The following EXTL1 variants were observed in gnomAD, a reference collection of about 807,000 sequenced individuals.
EXTL1 encodes exostosin like glycosyltransferase 1.
Under a neutral mutation model 64.6 loss-of-function variants are expected in EXTL1, and 43 were observed. That is an observed-to-expected ratio of 0.67 (90% CI 0.52 to 0.86). EXTL1 has a LOEUF of 0.86. EXTL1 is among the 40% of genes least tolerant of loss of function. EXTL1 has a pLI of 0.00. For missense variants in EXTL1, 766 were observed against 879.0 expected (o/e 0.87, Z 1.62); for synonymous variants, 352 against 360.5 (o/e 0.98, Z 0.27).
In EXTL1 at chr1:26,031,221, T is replaced by C; in HGVS notation, c.1191T>C (p.Phe397=). The C allele has an allele frequency of 6.2e-7, 1 of 1,614,022 alleles. No individual in the cohort carries two copies. The highest frequency in any genetic ancestry group is 8.5e-7 in the Non-Finnish European group (1 of 1,179,992). ...PPGALLALST[F]STSPQDFPFY... is the part of the protein sequence containing the mutation. ...GGGCACTCCTGGCCCTGTCTACTTT[T>C]TCCACAAGCCCCCAGGACTTCCCCT... Residue 397 remains phenylalanine (F), a synonymous_variant, in exon 5 of 11, where the codon TTT becomes TTC. Transcript: ENST00000374280.
At chr1:26,030,643 A>C (rs1487763779) in intron 4 of EXTL1, 48 bp downstream of exon 4, 1 of 1,570,550 alleles carries the variant, frequency 6.4e-7, no homozygotes, top group African/African-American at 1.4e-5. Flanking sequence ...CTCCTGCTTC[A>C]TCCCTGTCAC....
At position 26,031,098 on chromosome 1, in the gene EXTL1, C is replaced by A. The variant is rs199575010; in HGVS notation, c.1102-34C>A. 314 of 1,613,754 alleles carry A rather than the reference C, an allele frequency of 1.9e-4. 1 individual carries two copies. The East Asian group carries it at 6.9e-3, about 36-fold the overall frequency. Reference sequence around the variant, plus strand: ...GGAGGTGTGGCCATGGTCACACAGGCCACTCGCTCTGCTCAGCTTCTCTCT... The same window carrying A: ...GGAGGTGTGGCCATGGTCACACAGGACACTCGCTCTGCTCAGCTTCTCTCT... On this transcript the variant is annotated intron_variant, in intron 4 of 10. Coordinates refer to ENST00000374280, the MANE Select transcript of EXTL1 (RefSeq NM_004455.3).
chr1:26,035,547 C>G lies in EXTL1; in HGVS notation c.*200C>G. 2.1e-6 allele frequency: 1 copy of G among 468,280 alleles called. No individual in the cohort carries two copies. 29.0% of individuals were successfully genotyped at this position (468,280 alleles called of 1,614,324 possible). ...CTGCTCGCCCTCAGCCGCGGAGCCT[C>G]TGCGGAGGCTGAGCCCCGCGACCGG... On this transcript the variant is annotated 3_prime_UTR_variant, in exon 11 of 11. Coordinates refer to ENST00000374280, the MANE Select transcript of EXTL1 (RefSeq NM_004455.3). This position sits in a 1 kb window ranked among gnomAD's most constrained non-coding sequence, Gnocchi z 5.3.
rs370504936 is a variant in EXTL1, at chr1:26,022,790, C to G, written c.144C>G (p.Arg48=). ...PRPGASQGWP[R]WLDAELLQSF... ...CCGGGGCTTCCCAAGGCTGGCCCCG[C>G]TGGCTGGATGCAGAGCTCCTGCAGA... Residue 48 remains arginine (R), a synonymous_variant, in exon 1 of 11, where the codon CGC becomes CGG. Coordinates refer to ENST00000374280, the MANE Select transcript of EXTL1 (RefSeq NM_004455.3). 6.2e-7 allele frequency: 1 copy of G among 1,614,072 alleles called. No homozygotes were observed. The highest frequency in any genetic ancestry group is 8.5e-7 in the Non-Finnish European group (1 of 1,179,990).
At position 26,033,217 on chromosome 1, in the gene EXTL1, C is replaced by T. The variant is rs201560527; in HGVS notation, c.1432-12C>T. Reference sequence around the variant, plus strand: ...TTCCAATGGCTGAGTTCCCCTCCCCCACTCCCTGCAGGTTAGTGATCGCTT... The same window carrying T: ...TTCCAATGGCTGAGTTCCCCTCCCCTACTCCCTGCAGGTTAGTGATCGCTT... On this transcript the variant is annotated splice_polypyrimidine_tract_variant and intron_variant, in intron 7 of 10. Coordinates refer to ENST00000374280, the MANE Select transcript of EXTL1 (RefSeq NM_004455.3). The surrounding 1 kb of genome is among the most constrained non-coding windows in gnomAD (Gnocchi z 5.1). The T allele has an allele frequency of 5.9e-5, 94 of 1,600,718 alleles. No homozygotes were observed. Among genetic ancestry groups the T allele is most frequent in the Non-Finnish European group, 7.9e-5 (92 of 1,168,022 alleles).
At chr1:26,032,344 C>T (rs896354084) in intron 6 of EXTL1, 52 bp from the exon 7 acceptor site, 1 of 1,331,066 alleles carries the variant, frequency 7.5e-7, no homozygotes, top group Non-Finnish European at 1.1e-6. Flanking sequence ...CCCCTCGCAA[C>T]CCGCCTTCTG....
In EXTL1 at chr1:26,030,492, A is replaced by G; in HGVS notation, c.998A>G (p.Gln333Arg). 4 of 1,612,050 alleles carry G rather than the reference A, an allele frequency of 2.5e-6. No homozygotes were observed. The highest frequency in any genetic ancestry group is 3.4e-6 in the Non-Finnish European group (4 of 1,179,206). The stretch of plus-strand genomic sequence containing the variant: ...CTGCTCCAGGTCCTGGCTGCCCTCC[A>G]GGAGATGTCCCCTGCACGGGTCCTC... ...RLPLQVLAALQEMSPARVLAL... is the reference protein window; with the variant it reads ...RLPLQVLAALREMSPARVLAL... The change falls in exon 4 of 11, where the codon CAG becomes CGG. Residue 333 changes from glutamine to arginine, a missense_variant. By Grantham distance (43) the Gln-to-Arg change is conservative. This residue lies in a region of EXTL1 where 571 missense variants were observed against 647.6 expected (regional missense o/e 0.88). Coordinates refer to ENST00000374280, the MANE Select transcript of EXTL1 (RefSeq NM_004455.3).
At chr1:26,032,817 C>T (rs116140769) in intron 7 of EXTL1, among the ~76,000 whole-genome samples, 235 of 152,240 alleles carry the variant, frequency 1.5e-3, no homozygotes, top group African/African-American at 5.4e-3. Flanking sequence ...TTCTGGGAAC[C>T]GTGGTTGGTG....
At position 26,031,564 on chromosome 1, in the gene EXTL1, C is replaced by G. The variant is rs577225278; in HGVS notation, c.1339C>G (p.Gln447Glu). The G allele has an allele frequency of 6.4e-7, 1 of 1,563,554 alleles. No individual in the cohort carries two copies. The highest frequency in any genetic ancestry group is 2.3e-5 in the East Asian group (1 of 42,944). Residue 447 changes from glutamine (Q) to glutamate (E), a missense_variant and splice_region_variant, in exon 6 of 11, where the codon CAG (glutamine) becomes GAG (glutamate). By Grantham distance (29) the Gln-to-Glu change is conservative. Transcript: ENST00000374280. ...GGTGGCAGGCTCCCAGCACTGTGCC[C>G]AGGTCTGCCCCCTTCCCAGCTGGAG... is the stretch of plus-strand genomic sequence containing the variant. ...QAVAGSQHCAQILVLWSNERP... is the reference protein window; with the variant it reads ...QAVAGSQHCAEILVLWSNERP...
At position 26,035,136 on chromosome 1, in the gene EXTL1, C is replaced by T. The variant is rs1375202365; in HGVS notation, c.1849-29C>T. ...GGGAGTTCGGAAGGGCAGAGAAGCC[C>T]GTTAATGCATTGCTTCTTTCCCTCT... On this transcript the variant is annotated intron_variant, in intron 10 of 10. Coordinates refer to ENST00000374280, the MANE Select transcript of EXTL1 (RefSeq NM_004455.3). This position sits in a 1 kb window ranked among gnomAD's most constrained non-coding sequence, Gnocchi z 5.3. The T allele has an allele frequency of 1.9e-6, 3 of 1,591,130 alleles. No homozygotes were observed. The highest frequency in any genetic ancestry group is 2.6e-6 in the Non-Finnish European group (3 of 1,165,284).
rs2050310541 is a variant in EXTL1, at chr1:26,033,660, G to A, written c.1519-36G>A. On this transcript the variant is annotated intron_variant, in intron 8 of 10. Transcript: ENST00000374280. This position sits in a 1 kb window ranked among gnomAD's most constrained non-coding sequence, Gnocchi z 5.1. ...CCCTGGATGTTCTAGGCATTTAGGA[G>A]GTCCTTCCTCACAGCTCACTTGAGT... The A allele has an allele frequency of 6.2e-7, 1 of 1,604,558 alleles. No individual in the cohort carries two copies. Among genetic ancestry groups the A allele is most frequent in the East Asian group, 2.2e-5 (1 of 44,856 alleles).
Position 26,029,223 on chromosome 1 carries a change from C to T in EXTL1, c.810C>T (p.Ala270=). 6.2e-7 allele frequency: 1 copy of T among 1,613,834 alleles called. No homozygotes were observed. The highest frequency in any genetic ancestry group is 8.5e-7 in the Non-Finnish European group (1 of 1,179,890). Residue 270 remains alanine (A), a synonymous_variant, in exon 2 of 11, where the codon GCC becomes GCT. Transcript: ENST00000374280. ...QTQRQETLPN[A]TFCLISGHRP... The stretch of plus-strand genomic sequence containing the variant: ...AGCGCCAGGAGACGCTGCCCAATGC[C>T]ACCTTCTGCCTCATCTCTGGCCACC...
Position 26,033,354 on chromosome 1 carries a change from C to T in EXTL1, c.1518+39C>T. 1 of 1,564,414 alleles carries T rather than the reference C, an allele frequency of 6.4e-7. No homozygotes were observed. Among genetic ancestry groups the T allele is most frequent in the Non-Finnish European group, 8.8e-7 (1 of 1,135,108 alleles). On this transcript the variant is annotated intron_variant, in intron 8 of 10. Transcript: ENST00000374280. This position sits in a 1 kb window ranked among gnomAD's most constrained non-coding sequence, Gnocchi z 5.1. ...CCAAGAGAAGCCCAGTGTGGGTAGA[C>T]ACAGAGCCAGAGGGCCCTGGCAGCC...
Position 26,023,311 on chromosome 1 carries a change from C to T in EXTL1, c.665C>T (p.Pro222Leu). 2 of 1,552,100 alleles carry T rather than the reference C, an allele frequency of 1.3e-6. No homozygotes were observed. The highest frequency in any genetic ancestry group is 1.4e-5 in the African/African-American group (1 of 73,500). The change falls in exon 1 of 11, where the codon CCC (proline) becomes CTC (leucine). Residue 222 changes from proline to leucine, a missense_variant. Transcript: ENST00000374280. ...PGQLRQHSPQ[P>L]GVALLALEEE... is the part of the protein sequence containing the mutation. ...CAGCTGCGGCAACACAGCCCCCAGC[C>T]CGGGGTAGCCCTGCTAGCCCTGGAA...
Position 26,033,256 on chromosome 1 carries a change from A to G in EXTL1, c.1459A>G (p.Thr487Ala). 6.2e-7 allele frequency: 1 copy of G among 1,613,890 alleles called. No homozygotes were observed. The highest frequency in any genetic ancestry group is 1.1e-5 in the South Asian group (1 of 91,072). ...KVSDRFYPYSTIRTDAILSLD... is the reference protein window; with the variant it reads ...KVSDRFYPYSAIRTDAILSLD... ...TAGTGATCGCTTCTACCCATATAGC[A>G]CCATCAGAACAGATGCCATCCTCAG... The change falls in exon 8 of 11, where the codon ACC becomes GCC. Residue 487 changes from threonine (T) to alanine (A), a missense_variant. Coordinates refer to ENST00000374280, the MANE Select transcript of EXTL1 (RefSeq NM_004455.3). This position sits in a 1 kb window ranked among gnomAD's most constrained non-coding sequence, Gnocchi z 5.1.
In EXTL1 at chr1:26,035,342, C is replaced by A. The variant is rs1041530151; in HGVS notation, c.2026C>A (p.Pro676Thr). Residue 676 changes from proline to threonine, a missense_variant, in exon 11 of 11, where the codon CCC (proline) becomes ACC (threonine). Coordinates refer to ENST00000374280, the MANE Select transcript of EXTL1 (RefSeq NM_004455.3). The surrounding 1 kb of genome is among the most constrained non-coding windows in gnomAD (Gnocchi z 5.3). ...QRKKYRSLEK[P>T] is the part of the protein sequence containing the mutation. ...CAAGAAGTACCGCAGCCTGGAGAAGCCCTAGGGGGGCGACCCGCGGAGACC... is the reference window on the plus strand; with the variant it reads ...CAAGAAGTACCGCAGCCTGGAGAAGACCTAGGGGGGCGACCCGCGGAGACC... The A allele has an allele frequency of 6.2e-7, 1 of 1,602,384 alleles. No homozygotes were observed. Among genetic ancestry groups the A allele is most frequent in the Non-Finnish European group, 8.5e-7 (1 of 1,172,318 alleles).
Position 26,023,054 on chromosome 1 carries a change from C to A in EXTL1, c.408C>A (p.Leu136=), listed in dbSNP as rs374531021. 39 of 1,613,812 alleles carry A rather than the reference C, an allele frequency of 2.4e-5. No individual in the cohort carries two copies. The Middle Eastern group carries it at 1.2e-3, about 48-fold the overall frequency. Residue 136 remains leucine (L), a synonymous_variant, in exon 1 of 11, where the codon CTC becomes CTA. Coordinates refer to ENST00000374280, the MANE Select transcript of EXTL1 (RefSeq NM_004455.3). ...CTGCTGGGGCCTGCCTCCTCCTCCT[C>A]CTCAGCCTGGACGCCCAGACTGGAG... is the stretch of plus-strand genomic sequence containing the variant. ...FSPAGACLLL[L]LSLDAQTGEC...
intron 5 of EXTL1, 31 bp from the exon 6 acceptor site, chr1:26,031,429 C>A: frequency 7.2e-7 from 1 of 1,397,742 alleles, no homozygotes; most frequent in Non-Finnish European, 9.8e-7. Context: ...TGTTCCCTCC[C>A]ACTCTAATAG....
chr1:26,032,325 T>C (rs2050295886), intron 6 of EXTL1, 71 bp from the exon 7 acceptor site: 1 of 981,812 alleles, frequency 1.0e-6, no homozygotes, highest in Non-Finnish European at 1.6e-6. Context: ...TTGAGAAAGA[T>C]CACTCCTGCC....
Sources: gnomAD v4.1 joint callset for allele counts (sites outside exome capture counted in the v4.1 genomes callset) on GRCh38, gnomAD v4.1.1 for gene constraint, gnomAD v4.1.1 regional missense constraint, Gnocchi (gnomAD v3.1) non-coding constraint, MANE v1.5 for transcripts, NCBI Gene and HGNC (gene_info 2026-07-23, HGNC 2026-07-21) for gene names.